The following CDH10 variants were observed in gnomAD, a reference collection of about 807,000 sequenced individuals.
CDH10 encodes the protein cadherin-10.
Under a neutral mutation model 73.1 loss-of-function variants are expected in CDH10, and 30 were observed. The ratio of observed to expected loss-of-function variants is 0.41; its 90% CI spans 0.31 to 0.56. CDH10 has a LOEUF of 0.56. CDH10 is among the 20% of genes least tolerant of loss of function. The pLI, the probability that CDH10 is intolerant of heterozygous loss-of-function variation, is 0.27. For synonymous variants in CDH10, 345 were observed against 348.2 expected, an observed-to-expected ratio of 0.99 and a Z score of 0.10; for missense variants, 815 against 973.7, an observed-to-expected ratio of 0.84 and a Z score of 2.17.
intron 5 of CDH10, among the ~76,000 whole-genome samples, chr5:24,512,215 T>C (rs1742941946): frequency 6.6e-6 from 1 of 152,216 alleles, no homozygotes; most frequent in Admixed American, 6.5e-5. Flanking sequence ...TGTCTTGCTA[T>C]GTTGCCCAGG....
At chr5:24,562,226 T>A (rs1744986331) in intron 2 of CDH10, among the ~76,000 whole-genome samples, 1 of 152,100 alleles carries the variant, frequency 6.6e-6, no homozygotes, top group African/African-American at 2.4e-5. Context: ...TCTGTCACCA[T>A]GCCATGTTCA....
Position 24,487,817 on chromosome 5 carries a change from T to G in CDH10, c.2213A>C (p.Tyr738Ser). 1.2e-6 allele frequency: 2 copies of G among 1,613,978 alleles called. No homozygotes were observed. The highest frequency in any genetic ancestry group is 1.7e-6 in the Non-Finnish European group (2 of 1,179,932). The change falls in exon 12 of 12, where the codon TAT (tyrosine) becomes TCT (serine). Residue 738 changes from tyrosine to serine, a missense_variant. Coordinates refer to ENST00000264463, the MANE Select transcript of CDH10 (RefSeq NM_006727.5). ...TTCAGCAATGGAATCATTTCCTTCA[T>G]AGGCATAGGTTGCAAGTGAGTCGTA... ...PPYDSLATYA[Y>S]EGNDSIAESL... is the part of the protein sequence containing the mutation.
chr5:24,627,405 T>G (rs1201161155), intron 1 of CDH10, among the ~76,000 whole-genome samples: 1 of 152,110 alleles, frequency 6.6e-6, no homozygotes, highest in Admixed American at 6.6e-5. Flanking sequence ...AAGTCACCAA[T>G]AAATAGAAAT....
At chr5:24,542,522 C>G (rs1016101386) in intron 2 of CDH10, among the ~76,000 whole-genome samples, 1 of 152,102 alleles carries the variant, frequency 6.6e-6, no homozygotes, top group Admixed American at 6.6e-5. Context: ...TAGGCCCTAC[C>G]ATATAGCCTA....
At chr5:24,518,856 G>T (rs370553137) in intron 5 of CDH10, among the ~76,000 whole-genome samples, 57 of 150,272 alleles carry the variant, frequency 3.8e-4, no homozygotes, top group African/African-American at 1.3e-3. Flanking sequence ...TCTTGCAAGG[G>T]ACTAATTTTG....
intron 1 of CDH10, among the ~76,000 whole-genome samples, chr5:24,607,229 G>A (rs1399999263): frequency 1.3e-5 from 2 of 152,106 alleles, no homozygotes; most frequent in South Asian, 2.1e-4. Context: ...TGATGCCGAC[G>A]CCTGCAGCAC....
intron 2 of CDH10, among the ~76,000 whole-genome samples, chr5:24,549,251 T>C (rs1029303891): frequency 1.3e-5 from 2 of 152,108 alleles, no homozygotes; most frequent in African/African-American, 2.4e-5. Context: ...ATCAGATTTC[T>C]AGAAGGAGAA....
At chr5:24,596,438 T>G (rs1409494628) in intron 1 of CDH10, among the ~76,000 whole-genome samples, 1 of 151,810 alleles carries the variant, frequency 6.6e-6, no homozygotes, top group Non-Finnish European at 1.5e-5. Context: ...CAGCATACAA[T>G]AACTACTAAC....
intron 8 of CDH10, among the ~76,000 whole-genome samples, chr5:24,501,475 G>A (rs1276999554): frequency 6.6e-6 from 1 of 152,174 alleles, no homozygotes; most frequent in Non-Finnish European, 1.5e-5. Flanking sequence ...GAATCAAACT[G>A]AATAGCAGCT....
intron 2 of CDH10, among the ~76,000 whole-genome samples, chr5:24,557,912 C>T (rs1744821461): frequency 1.3e-5 from 2 of 151,706 alleles, no homozygotes; most frequent in Admixed American, 1.3e-4. Context: ...TGTTTTTAAT[C>T]CCTTTGAGAA....
At chr5:24,616,420 G>A (rs1448087033) in intron 1 of CDH10, among the ~76,000 whole-genome samples, 6 of 151,872 alleles carry the variant, frequency 4.0e-5, no homozygotes, top group South Asian at 4.1e-4. Context: ...CTTGGGGGTC[G>A]GATTTAGGTT....
intron 2 of CDH10, among the ~76,000 whole-genome samples, chr5:24,582,282 T>C (rs1411127008): frequency 6.6e-6 from 1 of 152,132 alleles, no homozygotes; most frequent in Non-Finnish European, 1.5e-5. Flanking sequence ...TACGTTTATG[T>C]AGAAAGATAC....
intron 1 of CDH10, among the ~76,000 whole-genome samples, chr5:24,639,658 C>A (rs1747981652): frequency 6.6e-6 from 1 of 151,538 alleles, no homozygotes; most frequent in Non-Finnish European, 1.5e-5. Flanking sequence ...CATTATATAC[C>A]AGATTTCATT....
intron 7 of CDH10, among the ~76,000 whole-genome samples, chr5:24,506,033 G>A (rs1465316808): frequency 6.6e-6 from 1 of 150,468 alleles, no homozygotes; most frequent in African/African-American, 2.5e-5. Flanking sequence ...AGAATTGCTT[G>A]AACCCAGAGG....
chr5:24,516,899 A>C (rs1743129432), intron 5 of CDH10, among the ~76,000 whole-genome samples: 1 of 151,916 alleles, frequency 6.6e-6, no homozygotes, highest in Admixed American at 6.6e-5. Context: ...AAAAATTAAA[A>C]AAATACATAA....
intron 7 of CDH10, among the ~76,000 whole-genome samples, chr5:24,506,002 T>A (rs978246099): frequency 1.3e-5 from 2 of 151,146 alleles, no homozygotes; most frequent in Admixed American, 1.3e-4. Context: ...TAGTCCCAGC[T>A]ACTCAGAAGG....
chr5:24,539,403 A>C (rs1003255693), intron 2 of CDH10, among the ~76,000 whole-genome samples: 5 of 151,934 alleles, frequency 3.3e-5, no homozygotes, highest in African/African-American at 1.2e-4. Context: ...GTAGACACCA[A>C]AAATATTTAA....
chr5:24,557,910 A>G (rs920622254), intron 2 of CDH10, among the ~76,000 whole-genome samples: 5 of 151,832 alleles, frequency 3.3e-5, no homozygotes, highest in African/African-American at 1.2e-4. Flanking sequence ...ATTGTTTTTA[A>G]TCCCTTTGAG....
In CDH10 at chr5:24,644,955, G is replaced by A. The variant is rs1229121250; in HGVS notation, c.-485C>T. 2.0e-5 allele frequency: 3 copies of A among 152,092 alleles called. No individual in the cohort carries two copies. The East Asian group carries it at 5.8e-4, about 29-fold the overall frequency. 9.4% of individuals were successfully genotyped at this position (152,092 alleles called of 1,614,324 possible). A position where few individuals can be genotyped will look rare whatever the true frequency, so the allele number is the denominator to read the frequency against. On this transcript the variant is annotated 5_prime_UTR_variant, in exon 1 of 12. Transcript: ENST00000264463. Reference sequence around the variant, plus strand: ...AGAGACTGTGGAAGTGCTGGCTTCTGCGAGCACACAGCGATTTGCAAGTGA... The same window carrying A: ...AGAGACTGTGGAAGTGCTGGCTTCTACGAGCACACAGCGATTTGCAAGTGA...
Sources: gnomAD v4.1 joint callset for allele counts (sites outside exome capture counted in the v4.1 genomes callset) on GRCh38, gnomAD v4.1.1 for gene constraint, MANE v1.5 for transcripts, NCBI Gene and HGNC (gene_info 2026-07-23, HGNC 2026-07-21) for gene names.